The following PSTPIP1 variants were observed in gnomAD, a reference collection of about 807,000 sequenced individuals.
PSTPIP1 encodes the protein proline-serine-threonine phosphatase-interacting protein 1.
In PSTPIP1, 66 loss-of-function variants were observed where a neutral mutation model predicts 69.6. The observed-to-expected ratio is 0.95, with a 90% CI of 0.78 to 1.16. The LOEUF is 1.16. PSTPIP1 is among the 50% of genes most tolerant of loss of function. The probability of loss-of-function intolerance (pLI) is 0.00; values close to 1 mark genes in which losing one functional copy is unlikely to be tolerated. For synonymous variants in PSTPIP1, 266 were observed against 222.7 expected (o/e 1.19, Z -1.73); for missense variants, 603 against 557.4 (o/e 1.08, Z -0.82).
At chr15:77,020,871 G>A (rs752373915) in intron 3 of PSTPIP1, among the ~76,000 whole-genome samples, 2 of 49,106 alleles carry the variant, frequency 4.1e-5, no homozygotes, top group South Asian at 7.4e-4. Context: ...ACTCCTGTGG[G>A]GGGGGGGGGT....
intron 1 of PSTPIP1, chr15:77,007,971 C>G: frequency 2.2e-6 from 1 of 455,722 alleles, no homozygotes; most frequent in South Asian, 1.6e-5. Flanking sequence ...AACAATTGCC[C>G]ATTGACCTGG....
At chr15:77,023,894 G>A (rs2076215827) in intron 3 of PSTPIP1, 2 of 152,404 alleles carry the variant, frequency 1.3e-5, no homozygotes, top group Admixed American at 6.5e-5. Flanking sequence ...CAGAGGGATT[G>A]GAGGTGCCAC....
intron 13 of PSTPIP1, 108 bp downstream of exon 13, chr15:77,035,671 G>C (rs1033381780): frequency 1.2e-5 from 17 of 1,475,580 alleles, no homozygotes; most frequent in Non-Finnish European, 1.6e-5. Flanking sequence ...GGAAGTGTGT[G>C]TCCCCCAACA....
chr15:77,012,527 A>G (rs887550518), intron 1 of PSTPIP1, among the ~76,000 whole-genome samples: 4 of 150,556 alleles, frequency 2.7e-5, no homozygotes, highest in Admixed American at 6.6e-5. Context: ...CCATCCATCC[A>G]TTCATCCATC....
At chr15:77,011,030 G>T (rs1037952485) in intron 1 of PSTPIP1, among the ~76,000 whole-genome samples, 11 of 152,184 alleles carry the variant, frequency 7.2e-5, no homozygotes, top group Non-Finnish European at 7.3e-5. Context: ...GTGAAGGAGG[G>T]GAAGCAGGCG....
intron 3 of PSTPIP1, among the ~76,000 whole-genome samples, chr15:77,020,967 G>T (rs2076148880): frequency 6.6e-6 from 1 of 152,150 alleles, no homozygotes; most frequent in Non-Finnish European, 1.5e-5. Context: ...CCTGAGTAGG[G>T]GAAGCCCCTG....
At chr15:77,014,536 C>T (rs183334369) in intron 1 of PSTPIP1, among the ~76,000 whole-genome samples, 1 of 152,342 alleles carries the variant, frequency 6.6e-6, no homozygotes, top group African/African-American at 2.4e-5. Flanking sequence ...GGGGGTTAGC[C>T]TCCTGCCCCC....
In PSTPIP1 at chr15:76,995,602, C is replaced by T. The variant is rs775041579; in HGVS notation, c.29C>T (p.Ala10Val). Reference protein sequence around the residue: MMPQLQFKDAFWCRDFTAHT... With the variant: MMPQLQFKDVFWCRDFTAHT... Reference sequence around the variant, plus strand: ...ATGCCCCAGCTGCAGTTCAAAGATGCCTTTTGGGTGAGTGAGGATGGTTGG... The same window carrying T: ...ATGCCCCAGCTGCAGTTCAAAGATGTCTTTTGGGTGAGTGAGGATGGTTGG... Residue 10 changes from alanine (A) to valine (V), a missense_variant, in exon 1 of 15, where the codon GCC (alanine) becomes GTC (valine). Physicochemically the swap from Ala to Val is moderately conservative, Grantham distance 64 (BLOSUM62 0). Transcript: ENST00000558012. 6 of 1,613,482 alleles carry T rather than the reference C, an allele frequency of 3.7e-6. No individual in the cohort carries two copies. Among genetic ancestry groups the T allele is most frequent in the Admixed American group, 3.3e-5 (2 of 59,994 alleles).
rs372468528 is a variant in PSTPIP1, at chr15:77,035,831, G to A, written c.1015G>A (p.Glu339Lys). The change falls in exon 14 of 15, where the codon GAG becomes AAG. Residue 339 changes from glutamate (E) to lysine (K), a missense_variant. By Grantham distance (56) the Glu-to-Lys change is moderately conservative. Transcript: ENST00000558012. Reference sequence around the variant, plus strand: ...CACAGAGACCCTGACCCCCACCCCCGAGCGGAATGAGGGTGTCTACACAGC... The same window carrying A: ...CACAGAGACCCTGACCCCCACCCCCAAGCGGAATGAGGGTGTCTACACAGC... ...ASTETLTPTPERNEGVYTAIA... is the reference protein window; with the variant it reads ...ASTETLTPTPKRNEGVYTAIA... The A allele has an allele frequency of 8.7e-6, 14 of 1,609,318 alleles. No individual in the cohort carries two copies. Among genetic ancestry groups the A allele is most frequent in the African/African-American group, 6.7e-5 (5 of 74,682 alleles).
chr15:77,024,838 C>G (rs2076239865), intron 3 of PSTPIP1, among the ~76,000 whole-genome samples: 1 of 151,442 alleles, frequency 6.6e-6, no homozygotes, highest in Non-Finnish European at 1.5e-5. Context: ...CAAACATCCC[C>G]CGGGCCACCT....
Position 77,018,615 on chromosome 15 carries a change from C to T in PSTPIP1, c.212+84C>T, listed in dbSNP as rs2076099910. 3 of 1,368,664 alleles carry T rather than the reference C, an allele frequency of 2.2e-6. No individual in the cohort carries two copies. The East Asian group carries it at 7.6e-5, about 35-fold the overall frequency. The allele number at this position is 1,368,664 out of a possible 1,614,324, so 84.8% of individuals were successfully genotyped here. ...TTAGATGAGGTTTAGGTCTTCCTGG[C>T]ATGGGGGAGGCTGGGCAGAACCAGG... On this transcript the variant is annotated intron_variant, in intron 3 of 14. Transcript: ENST00000558012.
chr15:77,018,465 C>T lies in PSTPIP1; in HGVS notation c.146C>T (p.Ala49Val), dbSNP rs756426938. ...TGCCCTTTTTTTTGCAGGGCCCAGG[C>T]GGAGGAGCGGTACGGGAAGGAGCTG... is the stretch of plus-strand genomic sequence containing the variant. ...MEELLRQRAQ[A>V]EERYGKELVQ... Residue 49 changes from alanine to valine, a missense_variant, in exon 3 of 15, where the codon GCG (alanine) becomes GTG (valine). Transcript: ENST00000558012. 47 of 1,580,962 alleles carry T rather than the reference C, an allele frequency of 3.0e-5. No individual in the cohort carries two copies. Among genetic ancestry groups the T allele is most frequent in the Middle Eastern group, 1.7e-4 (1 of 6,038 alleles).
intron 3 of PSTPIP1, among the ~76,000 whole-genome samples, chr15:77,023,096 C>A (rs181531465): frequency 6.6e-6 from 1 of 152,236 alleles, no homozygotes; most frequent in Non-Finnish European, 1.5e-5. Flanking sequence ...CCAGAACCTG[C>A]GATTCCTTAC....
chr15:77,025,234 G>A, intron 3 of PSTPIP1, 50 bp from the exon 4 acceptor site: 1 of 1,561,734 alleles, frequency 6.4e-7, no homozygotes, highest in East Asian at 2.2e-5. Context: ...CTGGACTGTA[G>A]GTTCCCGCTG....
At position 77,028,580 on chromosome 15, in the gene PSTPIP1, C is replaced by T; in HGVS notation, c.444C>T (p.Cys148=). The change falls in exon 7 of 15, where the codon TGC becomes TGT. Residue 148 remains cysteine (C), a synonymous_variant. Coordinates refer to ENST00000558012, the MANE Select transcript of PSTPIP1 (RefSeq NM_003978.5). The part of the protein sequence containing the change: ...MESKKTYEQK[C]RDADDAEQAF... ...CCAAGAAGACATACGAGCAGAAGTG[C>T]CGGGACGCGGACGACGCGGAGCAGG... The T allele has an allele frequency of 6.2e-7, 1 of 1,602,898 alleles. No individual in the cohort carries two copies. Among genetic ancestry groups the T allele is most frequent in the Non-Finnish European group, 8.5e-7 (1 of 1,175,484 alleles).
intron 12 of PSTPIP1, among the ~76,000 whole-genome samples, chr15:77,034,829 G>A (rs2076515982): frequency 6.6e-6 from 1 of 152,252 alleles, no homozygotes; most frequent in South Asian, 2.1e-4. Flanking sequence ...TGCCGCATCT[G>A]CCTCTTCTGT....
Position 76,995,531 on chromosome 15 carries a change from C to A in PSTPIP1, c.-43C>A, listed in dbSNP as rs1252235528. 1.2e-6 allele frequency: 2 copies of A among 1,613,618 alleles called. No individual in the cohort carries two copies. The highest frequency in any genetic ancestry group is 1.7e-5 in the Admixed American group (1 of 60,012). On this transcript the variant is annotated 5_prime_UTR_variant, in exon 1 of 15. Transcript: ENST00000558012. ...GGCGCCTGGCCCTCCATCAGGCCAG[C>A]CTGTGGCAGGAGAGTGAGCTTTGCC...
intron 3 of PSTPIP1, among the ~76,000 whole-genome samples, chr15:77,020,879 G>GT (rs1491109178): frequency 4.4e-4 from 57 of 128,294 alleles, no homozygotes; most frequent in African/African-American, 1.6e-3. Context: ...GGGGGGGGGG[G>GT]GTGTGTGTGT....
chr15:77,032,217 T>C (rs1340348313), intron 10 of PSTPIP1, 81 bp from the exon 11 acceptor site: 2 of 1,429,042 alleles, frequency 1.4e-6, no homozygotes, highest in African/African-American at 1.4e-5. Context: ...GGCCGGTGGG[T>C]GGGGGCCGCT....
Sources: gnomAD v4.1 joint callset for allele counts (sites outside exome capture counted in the v4.1 genomes callset) on GRCh38, gnomAD v4.1.1 for gene constraint, MANE v1.5 for transcripts, NCBI Gene and HGNC (gene_info 2026-07-23, HGNC 2026-07-21) for gene names.